C2orf49: variants seen among roughly 807,000 people sequenced by gnomAD.
C2orf49 encodes tRNA splicing ligase complex subunit 2, also known as tRNA-splicing ligase complex subunit ASW.
C2orf49 carries 11 observed loss-of-function variants against 20.6 expected under a neutral mutation model. The observed-to-expected ratio is 0.53, with a 90% CI of 0.34 to 0.88. The LOEUF is 0.88. Among genes scored for constraint, C2orf49 ranks in the 40% least tolerant of loss-of-function variants. The pLI is 0.02. For synonymous variants in C2orf49, 134 were observed against 108.5 expected (o/e 1.24, Z -1.46); for missense variants, 289 against 274.2 (o/e 1.05, Z -0.38).
the C2orf49 span, chr2:105,378,086 C>A: frequency 1.7e-5 from 8 of 470,282 alleles, 1 homozygote; most frequent in South Asian, 1.2e-4. Flanking sequence ...GTCATTAAGT[C>A]CCCAGATGGA....
At chr2:105,380,229 G>A in the C2orf49 span, among the ~76,000 whole-genome samples, 2 of 152,278 alleles carry the variant, frequency 1.3e-5, no homozygotes, top group South Asian at 2.1e-4. Context: ...AGAGCTTAGA[G>A]GTAGACTAGA....
At chr2:105,384,654 T>C in the C2orf49 span, among the ~76,000 whole-genome samples, 1 of 152,206 alleles carries the variant, frequency 6.6e-6, no homozygotes, top group Non-Finnish European at 1.5e-5. Context: ...ATTACAGATA[T>C]GCACCACCAC....
At chr2:105,363,870 G>C in the C2orf49 span, among the ~76,000 whole-genome samples, 1 of 152,184 alleles carries the variant, frequency 6.6e-6, no homozygotes, top group South Asian at 2.1e-4. Context: ...CCTGTGGCTG[G>C]GAGCAGGTCA....
At chr2:105,338,070 C>T (rs1192489280) in intron 1 of C2orf49, among the ~76,000 whole-genome samples, 1 of 152,142 alleles carries the variant, frequency 6.6e-6, no homozygotes, top group Non-Finnish European at 1.5e-5. Context: ...ACCGTCCATT[C>T]CACACCTTCT....
chr2:105,342,337 A>G (rs1192234531), intron 2 of C2orf49, among the ~76,000 whole-genome samples: 2 of 152,250 alleles, frequency 1.3e-5, no homozygotes, highest in Non-Finnish European at 2.9e-5. Context: ...AGATTTTACA[A>G]TTGAACTTGT....
intron 3 of C2orf49, 92 bp from the exon 4 acceptor site, chr2:105,345,223 T>C: frequency 8.8e-7 from 1 of 1,133,482 alleles, no homozygotes; most frequent in Non-Finnish European, 1.3e-6. Context: ...CATTAATACA[T>C]TAATAGTAAA....
the C2orf49 span, among the ~76,000 whole-genome samples, chr2:105,370,154 C>G: frequency 3.9e-5 from 6 of 152,198 alleles, no homozygotes; most frequent in Admixed American, 3.9e-4. Context: ...CGGGAGATCT[C>G]TTGAGCCCAG....
the C2orf49 span, among the ~76,000 whole-genome samples, chr2:105,366,943 A>G: frequency 6.6e-6 from 1 of 152,126 alleles, no homozygotes; most frequent in African/African-American, 2.4e-5. Flanking sequence ...ATGGAGTTTC[A>G]TCATGTTGCC....
intron 3 of C2orf49, among the ~76,000 whole-genome samples, chr2:105,343,911 G>A (rs1326988343): frequency 6.6e-5 from 10 of 151,682 alleles, no homozygotes; most frequent in Non-Finnish European, 1.0e-4. Flanking sequence ...TAAATACCTA[G>A]TAGTTTAATA....
the C2orf49 span, chr2:105,367,669 C>A: frequency 1.9e-6 from 3 of 1,614,098 alleles, no homozygotes; most frequent in Middle Eastern, 3.3e-4. Flanking sequence ...TTCCAATTGG[C>A]TGCTGGCAGC....
intron 2 of C2orf49, among the ~76,000 whole-genome samples, chr2:105,342,491 A>G (rs1346803749): frequency 6.6e-6 from 1 of 152,208 alleles, no homozygotes; most frequent in Admixed American, 6.5e-5. Context: ...TTTTAAAATA[A>G]TAACTGATTA....
chr2:105,377,261 CT>C, the C2orf49 span, among the ~76,000 whole-genome samples: 1 of 152,202 alleles, frequency 6.6e-6, no homozygotes, highest in Non-Finnish European at 1.5e-5. Flanking sequence ...GCACTTACTA[CT>C]GAACAGTACT....
rs1442090884 is a variant in C2orf49 at position 105,346,310 on chromosome 2, C to G, written c.*939C>G. 6.6e-6 allele frequency: 1 copy of G among 152,132 alleles called. No homozygotes were observed. The highest frequency in any genetic ancestry group is 1.5e-5 in the Non-Finnish European group (1 of 68,034). The allele number at this position is 152,132 out of a possible 1,614,324, so 9.4% of individuals were successfully genotyped here. A position where few individuals can be genotyped will look rare whatever the true frequency, so the allele number is the denominator to read the frequency against. On this transcript the variant is annotated 3_prime_UTR_variant, in exon 4 of 4. Transcript: ENST00000258457. ...AATCAGTGCTTGCTATTGCTCCTTT[C>G]CTTGAAGTTGTAACAATTGATACAT...
the C2orf49 span, chr2:105,363,134 G>A: frequency 6.0e-6 from 4 of 671,994 alleles, no homozygotes; most frequent in Non-Finnish European, 1.0e-5. Flanking sequence ...GCACCAAGGA[G>A]AGGAAAGCAG....
At chr2:105,350,375 GC>G (rs907240724), downstream of C2orf49, among the ~76,000 whole-genome samples, 14 of 152,202 alleles carry the variant, frequency 9.2e-5, no homozygotes. Flanking sequence ...AAGAAGGTAG[GC>G]AGGAGCCAGA....
At chr2:105,359,101 G>A in the C2orf49 span, 1 of 152,210 alleles carries the variant, frequency 6.6e-6, no homozygotes, top group Non-Finnish European at 1.5e-5. Flanking sequence ...TCGTGCTCCA[G>A]TGTTCTTAAC....
At chr2:105,381,615 G>A in the C2orf49 span, among the ~76,000 whole-genome samples, 22 of 152,158 alleles carry the variant, frequency 1.4e-4, no homozygotes, top group Non-Finnish European at 5.9e-5. Context: ...CCCTTCTCAT[G>A]AAATCCATCC....
rs1163534369 is a variant in C2orf49, at chr2:105,348,534, A to G, written c.*3163A>G. ...ACTGCCAGTAGATTAAATCATATATATATATATATATATATATATATATGT... is the reference window on the plus strand; with the variant it reads ...ACTGCCAGTAGATTAAATCATATATGTATATATATATATATATATATATGT... On this transcript the variant is annotated 3_prime_UTR_variant, in exon 4 of 4. Transcript: ENST00000258457. 1 of 130,334 alleles carries G rather than the reference A, an allele frequency of 7.7e-6. No individual in the cohort carries two copies. The highest frequency in any genetic ancestry group is 1.8e-5 in the Non-Finnish European group (1 of 55,484). The allele number at this position is 130,334 out of a possible 1,614,324, so 8.1% of individuals were successfully genotyped here. A position where few individuals can be genotyped will look rare whatever the true frequency, so the allele number is the denominator to read the frequency against.
At chr2:105,343,587 A>C (rs1050532666) in intron 3 of C2orf49, among the ~76,000 whole-genome samples, 7 of 152,192 alleles carry the variant, frequency 4.6e-5, no homozygotes, top group African/African-American at 1.7e-4. Flanking sequence ...GTCCAGGGTC[A>C]CACATTTATT....
Sources: gnomAD v4.1 joint callset for allele counts (sites outside exome capture counted in the v4.1 genomes callset) on GRCh38, gnomAD v4.1.1 for gene constraint, MANE v1.5 for transcripts, NCBI Gene and HGNC (gene_info 2026-07-23, HGNC 2026-07-21) for gene names.